CDC42BPA: variants seen among roughly 807,000 people sequenced by gnomAD.
The protein encoded by CDC42BPA is serine/threonine-protein kinase MRCK alpha.
In CDC42BPA, 80 loss-of-function variants were observed where a neutral mutation model predicts 223.5. That is an observed-to-expected ratio of 0.36 (90% CI 0.30 to 0.43). The LOEUF is 0.43. CDC42BPA is among the 20% of genes least tolerant of loss of function. The pLI is 1.00. For missense variants in CDC42BPA, 1,743 were observed against 2,099.9 expected, an observed-to-expected ratio of 0.83 and a Z score of 3.32; for synonymous variants, 694 against 718.6, an observed-to-expected ratio of 0.97 and a Z score of 0.55.
chr1:227,022,333 T>C (rs1667528750), intron 32 of CDC42BPA, among the ~76,000 whole-genome samples: 2 of 152,024 alleles, frequency 1.3e-5, no homozygotes, highest in South Asian at 4.2e-4. Context: ...CTCAGCAAGC[T>C]GAGGTGCAAG....
chr1:227,113,565 C>G (rs1687278108), intron 12 of CDC42BPA, among the ~76,000 whole-genome samples: 1 of 152,006 alleles, frequency 6.6e-6, no homozygotes, highest in South Asian at 2.1e-4. Flanking sequence ...TCAAAGGTAT[C>G]TTGGTATTAA....
chr1:227,092,950 C>T (rs888252024), intron 15 of CDC42BPA, among the ~76,000 whole-genome samples: 2 of 152,108 alleles, frequency 1.3e-5, no homozygotes, highest in Middle Eastern at 3.2e-3. Flanking sequence ...ACCATAATCA[C>T]GAAGCAATCC....
At chr1:227,211,942 T>C (rs1245365500) in intron 3 of CDC42BPA, among the ~76,000 whole-genome samples, 1 of 152,050 alleles carries the variant, frequency 6.6e-6, no homozygotes, top group Non-Finnish European at 1.5e-5. Context: ...AATGAAGAAA[T>C]AGTATTTTAA....
chr1:227,200,243 C>A (rs962054662), intron 3 of CDC42BPA, among the ~76,000 whole-genome samples: 1 of 152,054 alleles, frequency 6.6e-6, no homozygotes, highest in African/African-American at 2.4e-5. Context: ...CCAGCCTGGG[C>A]AACATGGTGA....
chr1:227,070,674 G>T (rs1031865498), intron 20 of CDC42BPA, among the ~76,000 whole-genome samples: 2 of 151,644 alleles, frequency 1.3e-5, no homozygotes, highest in African/African-American at 4.8e-5. Context: ...TAGAGACTTG[G>T]GGAAATAATA....
intron 3 of CDC42BPA, among the ~76,000 whole-genome samples, chr1:227,201,987 C>T (rs1032717912): frequency 1.3e-5 from 2 of 152,186 alleles, no homozygotes; most frequent in Middle Eastern, 3.4e-3. Context: ...AAAATCTATA[C>T]AACACTATGC....
At chr1:227,096,979 C>G (rs1684122059) in intron 15 of CDC42BPA, among the ~76,000 whole-genome samples, 1 of 152,062 alleles carries the variant, frequency 6.6e-6, no homozygotes. Context: ...TCCCACCACC[C>G]CATCTATGTC....
intron 16 of CDC42BPA, among the ~76,000 whole-genome samples, chr1:227,083,601 T>C (rs1929855): frequency 0.17 from 25,825 of 152,208 alleles, 2,333 homozygotes; most frequent in Non-Finnish European, 0.19. Context: ...TTTGGTTGTG[T>C]TTGCTGATAT....
At chr1:227,113,958 C>CAGGG (rs1019175223) in intron 12 of CDC42BPA, among the ~76,000 whole-genome samples, 1 of 145,876 alleles carries the variant, frequency 6.9e-6, no homozygotes, top group African/African-American at 2.6e-5. Context: ...GCTGAGGCTG[C>CAGGG]AGGGAGCTGA....
At chr1:227,034,825 A>G (rs1046378946) in intron 25 of CDC42BPA, 31 bp from the exon 26 acceptor site, 29 of 1,570,850 alleles carry the variant, frequency 1.8e-5, no homozygotes, top group Admixed American at 3.7e-5. Flanking sequence ...ACAAACAGCC[A>G]AAACAACTCA....
intron 10 of CDC42BPA, among the ~76,000 whole-genome samples, chr1:227,131,869 A>G (rs915192748): frequency 6.6e-6 from 1 of 152,222 alleles, no homozygotes; most frequent in African/African-American, 2.4e-5. Flanking sequence ...ACTTCTCTCC[A>G]GCATAACCAT....
intron 5 of CDC42BPA, among the ~76,000 whole-genome samples, chr1:227,184,682 C>T (rs1473726546): frequency 1.3e-5 from 2 of 151,984 alleles, no homozygotes; most frequent in Admixed American, 1.3e-4. Flanking sequence ...TTAAAATAAG[C>T]TTGTCTCTAT....
chr1:227,023,415 T>TG (rs1424397625), intron 31 of CDC42BPA, 68 bp from the exon 32 acceptor site: 58 of 799,624 alleles, frequency 7.3e-5, no homozygotes, highest in Non-Finnish European at 4.1e-5. Context: ...ACTTTTGTCC[T>TG]GCTTATAAAG....
intron 2 of CDC42BPA, among the ~76,000 whole-genome samples, chr1:227,228,114 G>A (rs1325456787): frequency 6.6e-6 from 1 of 152,000 alleles, no homozygotes; most frequent in African/African-American, 2.4e-5. Flanking sequence ...GGCCTATGGG[G>A]TGGGGAGGTG....
chr1:227,085,902 C>T (rs1267892390), intron 16 of CDC42BPA, among the ~76,000 whole-genome samples: 1 of 152,138 alleles, frequency 6.6e-6, no homozygotes, highest in Admixed American at 6.5e-5. Context: ...TTTTAGCAAA[C>T]TTCAACAGTT....
chr1:227,281,404 T>G (rs1434495146), intron 1 of CDC42BPA, among the ~76,000 whole-genome samples: 2 of 152,162 alleles, frequency 1.3e-5, no homozygotes, highest in Admixed American at 1.3e-4. Context: ...CCAGGCCCAG[T>G]TCTCCAACCT....
rs147110176 is a variant in CDC42BPA, at chr1:227,293,734, C to G, written c.178+23271G>C. ...CCTGAGGCAGAAGAATCGCCTGAAC[C>G]TGGGAGGTGGAGGTTGCAGTGAGCC... On this transcript the variant is annotated intron_variant, in intron 1 of 36. Coordinates refer to ENST00000366766, the MANE Select transcript of CDC42BPA (RefSeq NM_001394014.1). Among the ~76,000 whole-genome samples, 385 of 152,222 alleles carry G rather than the reference C, an allele frequency of 2.5e-3. 8 individuals are homozygous for G. In the East Asian group the frequency reaches 0.047, roughly 19 times the overall value.
At chr1:227,027,685 G>C (rs1005754973) in intron 30 of CDC42BPA, among the ~76,000 whole-genome samples, 1 of 152,032 alleles carries the variant, frequency 6.6e-6, no homozygotes, top group Non-Finnish European at 1.5e-5. Flanking sequence ...GCTTTATCAC[G>C]AATCTTTTCC....
chr1:227,237,807 G>A (rs577650695), intron 2 of CDC42BPA, among the ~76,000 whole-genome samples: 2 of 134,864 alleles, frequency 1.5e-5, no homozygotes, highest in South Asian at 4.6e-4. Context: ...TTGGGAGGCC[G>A]AGGCGGGCGG....
Sources: allele counts gnomAD v4.1 joint callset (sites outside exome capture counted in the v4.1 genomes callset), GRCh38; gene constraint gnomAD v4.1.1; transcripts MANE v1.5; gene names NCBI Gene and HGNC (gene_info 2026-07-23, HGNC 2026-07-21).